The following ZFYVE26 variants were observed in gnomAD, a reference collection of about 807,000 sequenced individuals.
ZFYVE26 encodes the protein zinc finger FYVE-type containing 26.
A neutral mutation model predicts 276.5 loss-of-function variants in ZFYVE26; 181 were observed. That is an observed-to-expected ratio of 0.65 (90% CI 0.58 to 0.74). The LOEUF (loss-of-function observed/expected upper bound fraction) is 0.74, where lower values mean the gene tolerates loss of function less well. ZFYVE26 is among the 30% of genes least tolerant of loss of function. ZFYVE26 has a pLI of 0.00. For missense variants in ZFYVE26, 2,821 were observed against 3,097.9 expected, an observed-to-expected ratio of 0.91 and a Z score of 2.12; for synonymous variants, 1,129 against 1,203.1, an observed-to-expected ratio of 0.94 and a Z score of 1.27.
At chr14:67,760,984 G>T in intron 35 of ZFYVE26, 1 of 522,196 alleles carries the variant, frequency 1.9e-6, no homozygotes, top group Non-Finnish European at 3.5e-6. Context: ...TCAGAAGCTG[G>T]ACACCATCCC....
At chr14:67,741,287 C>A (rs1233048078) in intron 13 of ZFYVE26, among the ~76,000 whole-genome samples, 1 of 152,178 alleles carries the variant, frequency 6.6e-6, no homozygotes, top group Non-Finnish European at 1.5e-5. Flanking sequence ...CACTGAGTTC[C>A]AGAGCCTTAT....
chr14:67,813,480 GTTT>G (rs138548542), intron 3 of ZFYVE26, among the ~76,000 whole-genome samples: 11 of 148,060 alleles, frequency 7.4e-5, no homozygotes, highest in Admixed American at 1.3e-4. Flanking sequence ...TCCTTACCAG[GTTT>G]TTTTTTTCAA....
chr14:67,766,280 G>T lies in ZFYVE26; in HGVS notation c.5958C>A (p.Ala1986=). The T allele has an allele frequency of 1.2e-6, 2 of 1,613,986 alleles. No individual in the cohort carries two copies. The highest frequency in any genetic ancestry group is 8.5e-7 in the Non-Finnish European group (1 of 1,180,034). ...GGCCGGCTTTGACGAACATCATCTT[G>T]GCGCTGAACAGCAGCTGCTTCATGA... is the stretch of plus-strand genomic sequence containing the variant. ...TDIMKQLLFS[A]KMMFVKAGQS... The change falls in exon 32 of 42, where the codon GCC becomes GCA. Residue 1986 remains alanine, a synonymous_variant. Coordinates refer to ENST00000347230, the MANE Select transcript of ZFYVE26 (RefSeq NM_015346.4).
At chr14:67,768,368 C>A (rs1212184575) in intron 30 of ZFYVE26, 149 bp downstream of exon 30, 4 of 871,702 alleles carry the variant, frequency 4.6e-6, no homozygotes, top group Non-Finnish European at 7.8e-6. Context: ...AGGAAACAGG[C>A]TGATACAAAT....
downstream of ZFYVE26, among the ~76,000 whole-genome samples, chr14:67,745,478 T>G (rs578200305): frequency 9.8e-4 from 149 of 152,220 alleles, no homozygotes; most frequent in African/African-American, 3.1e-3. Flanking sequence ...TAGTTTGTTT[T>G]TTTTTTTTCA....
At chr14:67,814,614 C>T (rs1594943781) in intron 2 of ZFYVE26, among the ~76,000 whole-genome samples, 2 of 152,276 alleles carry the variant, frequency 1.3e-5, no homozygotes, top group East Asian at 3.9e-4. Flanking sequence ...CCTCCACCTC[C>T]TTATCTTAGT....
Position 67,798,332 on chromosome 14 carries a change from T to C in ZFYVE26, c.1930A>G (p.Thr644Ala), listed in dbSNP as rs1566893096. ...TCTGCCTTCACATGGCTTGGCATTG[T>C]ATAAGCAAGGGTCTTTGGGACTCCC... Reference protein sequence around the residue: ...SLGVPKTLAYTMPSHVKAEPK... With the variant: ...SLGVPKTLAYAMPSHVKAEPK... The change falls in exon 11 of 42, where the codon ACA becomes GCA. Residue 644 changes from threonine to alanine, a missense_variant. By Grantham distance (58) the Thr-to-Ala change is moderately conservative (BLOSUM62 0). Coordinates refer to ENST00000347230, the MANE Select transcript of ZFYVE26 (RefSeq NM_015346.4). 1 of 1,613,154 alleles carries C rather than the reference T, an allele frequency of 6.2e-7. No homozygotes were observed. Among genetic ancestry groups the C allele is most frequent in the Non-Finnish European group, 8.5e-7 (1 of 1,179,530 alleles).
In ZFYVE26 at chr14:67,793,597, C is replaced by A. The variant is rs772296295; in HGVS notation, c.2553+11G>T. ...TCATTCAGGGGCTGAAAAGGTATGG[C>A]CTCCCCTCACCTGATGGGCTTCTGC... On this transcript the variant is annotated intron_variant, in intron 14 of 41. Coordinates refer to ENST00000347230, the MANE Select transcript of ZFYVE26 (RefSeq NM_015346.4). 6.2e-7 allele frequency: 1 copy of A among 1,612,764 alleles called. No homozygotes were observed. The highest frequency in any genetic ancestry group is 8.5e-7 in the Non-Finnish European group (1 of 1,179,452).
In ZFYVE26 at chr14:67,798,026, T is replaced by C; in HGVS notation, c.2236A>G (p.Asn746Asp). The C allele has an allele frequency of 6.2e-7, 1 of 1,614,162 alleles. No individual in the cohort carries two copies. The change falls in exon 11 of 42, where the codon AAC becomes GAC. Residue 746 changes from asparagine (N) to aspartate (D), a missense_variant. Physicochemically the swap from Asn to Asp is conservative, Grantham distance 23. Transcript: ENST00000347230. ...ACCCTTCTCTCACCTGAACGATGGTTGCTTGTCACCACCTTGTGTCTCCAC... is the reference window on the plus strand; with the variant it reads ...ACCCTTCTCTCACCTGAACGATGGTCGCTTGTCACCACCTTGTGTCTCCAC... ...AQWRHKVVTS[N>D]HRSEEQPSRR...
intron 13 of ZFYVE26, among the ~76,000 whole-genome samples, chr14:67,737,078 TTTTTC>T (rs2038360723): frequency 7.0e-6 from 1 of 143,474 alleles, no homozygotes; most frequent in African/African-American, 2.5e-5. Context: ...GCTTCATTTC[TTTTTC>T]TTTTCTTTTT....
intron 10 of ZFYVE26, among the ~76,000 whole-genome samples, chr14:67,800,016 C>T (rs975253330): frequency 2.6e-5 from 4 of 152,214 alleles, no homozygotes; most frequent in Non-Finnish European, 4.4e-5. Flanking sequence ...TGCTGGACAG[C>T]TATCTTCCAC....
In ZFYVE26 at chr14:67,769,726, T is replaced by C; in HGVS notation, c.5489A>G (p.Asn1830Ser). The C allele has an allele frequency of 6.2e-7, 1 of 1,614,014 alleles. No homozygotes were observed. Among genetic ancestry groups the C allele is most frequent in the Non-Finnish European group, 8.5e-7 (1 of 1,179,994 alleles). ...VCCREHFTMF[N>S]RRHHCRRCGR... is the part of the protein sequence containing the mutation. ...ACAGCGGCGACAATGATGACGCCTGTTAAACTGAGGAATGCCATCAGGAGG... is the reference window on the plus strand; with the variant it reads ...ACAGCGGCGACAATGATGACGCCTGCTAAACTGAGGAATGCCATCAGGAGG... The change falls in exon 29 of 42, where the codon AAC becomes AGC. Residue 1830 changes from asparagine (N) to serine (S), a missense_variant. Coordinates refer to ENST00000347230, the MANE Select transcript of ZFYVE26 (RefSeq NM_015346.4).
intron 35 of ZFYVE26, 91 bp downstream of exon 35, chr14:67,761,275 G>T: frequency 8.3e-7 from 1 of 1,208,024 alleles, no homozygotes; most frequent in Non-Finnish European, 1.2e-6. Flanking sequence ...AGGGTTAAGT[G>T]TCAGGGGGTT....
At chr14:67,777,460 G>A (rs1228945314) in intron 25 of ZFYVE26, 99 bp downstream of exon 25, 1 of 1,586,610 alleles carries the variant, frequency 6.3e-7, no homozygotes, top group East Asian at 2.2e-5. Flanking sequence ...GAAGAGCTAG[G>A]CTCGCAGTCT....
chr14:67,800,810 A>G (rs1298157932), intron 10 of ZFYVE26, among the ~76,000 whole-genome samples: 1 of 152,178 alleles, frequency 6.6e-6, no homozygotes, highest in Non-Finnish European at 1.5e-5. Context: ...GTGGCTACAA[A>G]TAGGTTAAAA....
At chr14:67,770,901 C>T (rs2039192966) in intron 28 of ZFYVE26, among the ~76,000 whole-genome samples, 1 of 152,074 alleles carries the variant, frequency 6.6e-6, no homozygotes. Flanking sequence ...ACCAATTGTC[C>T]TCCTTGAAGA....
chr14:67,799,383 T>G, intron 10 of ZFYVE26: 1 of 1,611,658 alleles, frequency 6.2e-7, no homozygotes, highest in Non-Finnish European at 8.5e-7. Flanking sequence ...AAACAAAAGA[T>G]GAATGCAAGG....
chr14:67,811,902 A>C (rs2040310115), intron 3 of ZFYVE26, among the ~76,000 whole-genome samples: 1 of 148,492 alleles, frequency 6.7e-6, no homozygotes, highest in Admixed American at 6.8e-5. Context: ...TATATGATAT[A>C]TAACATGTAT....
chr14:67,733,636 G>A (rs575879800), intron 13 of ZFYVE26: 4 of 731,480 alleles, frequency 5.5e-6, no homozygotes, highest in Non-Finnish European at 9.7e-6. Flanking sequence ...CTTTGAGTCT[G>A]GCATATATTG....
Sources: gnomAD v4.1 joint callset for allele counts (sites outside exome capture counted in the v4.1 genomes callset) on GRCh38, gnomAD v4.1.1 for gene constraint, MANE v1.5 for transcripts, NCBI Gene and HGNC (gene_info 2026-07-23, HGNC 2026-07-21) for gene names.